Variants in FBN1 observed in about 807,000 individuals in gnomAD.
FBN1 encodes the protein fibrillin 1, also known as fibrillin-1.
Under a neutral mutation model 365.1 loss-of-function variants are expected in FBN1, and 29 were observed. That is an observed-to-expected ratio of 0.08 (90% CI 0.06 to 0.11). FBN1 has a LOEUF of 0.11. Ranked by LOEUF, FBN1 falls within the 10% of genes least tolerant of loss-of-function variation. FBN1 has a pLI of 1.00. For synonymous variants in FBN1, 1,210 were observed against 1,270.5 expected (o/e 0.95, Z 1.01); for missense variants, 2,476 against 3,703.2 (o/e 0.67, Z 8.60).
intron 2 of FBN1, among the ~76,000 whole-genome samples, chr15:48,630,110 T>C (rs1267555941): frequency 1.3e-5 from 2 of 152,226 alleles, no homozygotes; most frequent in African/African-American, 2.4e-5. Flanking sequence ...AATTAACATG[T>C]CGGTCCAGGG....
chr15:48,521,524 G>C (rs2043854741), intron 9 of FBN1, among the ~76,000 whole-genome samples: 1 of 152,316 alleles, frequency 6.6e-6, no homozygotes. Context: ...GTTTTTGGCA[G>C]AAAGTGTCTT....
rs781450756 is a variant in FBN1, at chr15:48,464,006, T to G, written c.4958A>C (p.Glu1653Ala). Residue 1653 changes from glutamate (E) to alanine (A), a missense_variant, in exon 41 of 66, where the codon GAG becomes GCG. Around this residue, in one of 5 missense-constraint regions of FBN1, gnomAD observed 1,780 missense variants for 2,840.8 expected, o/e 0.63. Coordinates refer to ENST00000316623, the MANE Select transcript of FBN1 (RefSeq NM_000138.5). ...CCCTGGACCACAGATTCCAGGAGTC[T>G]CACATTCATTCACATCTATAATCCA... ...TRVCDDVNECETPGICGPGTC... is the reference protein window; with the variant it reads ...TRVCDDVNECATPGICGPGTC... 1 of 1,613,968 alleles carries G rather than the reference T, an allele frequency of 6.2e-7. No homozygotes were observed. Among genetic ancestry groups the G allele is most frequent in the Non-Finnish European group, 8.5e-7 (1 of 1,179,864 alleles).
intron 45 of FBN1, among the ~76,000 whole-genome samples, chr15:48,449,518 T>G (rs1310841460): frequency 6.6e-6 from 1 of 152,182 alleles, no homozygotes; most frequent in Non-Finnish European, 1.5e-5. Context: ...GGAAGCCCTC[T>G]CATCTTGCTT....
chr15:48,570,498 A>G (rs992827753), intron 6 of FBN1, among the ~76,000 whole-genome samples: 1 of 151,576 alleles, frequency 6.6e-6, no homozygotes, highest in African/African-American at 2.4e-5. Flanking sequence ...GTGTGAAATG[A>G]GATACTCACG....
intron 54 of FBN1, among the ~76,000 whole-genome samples, chr15:48,433,891 T>C (rs1243703085): frequency 6.6e-6 from 1 of 152,238 alleles, no homozygotes; most frequent in African/African-American, 2.4e-5. Context: ...AGTGAATCCC[T>C]ACTTGAGAGT....
intron 43 of FBN1, among the ~76,000 whole-genome samples, chr15:48,459,191 G>A (rs1279370375): frequency 6.6e-6 from 1 of 152,214 alleles, no homozygotes; most frequent in Non-Finnish European, 1.5e-5. Context: ...TACATGCCTG[G>A]TTGGTCCGTG....
chr15:48,445,534 T>C, intron 47 of FBN1, 30 bp from the exon 48 acceptor site: 3 of 1,608,510 alleles, frequency 1.9e-6, no homozygotes, highest in Non-Finnish European at 2.6e-6. Flanking sequence ...AATCCTTTAA[T>C]ATATTCCAAA....
chr15:48,480,277 T>C (rs1007694514), intron 32 of FBN1, among the ~76,000 whole-genome samples: 3 of 152,146 alleles, frequency 2.0e-5, no homozygotes, highest in Admixed American at 2.0e-4. Flanking sequence ...CTCTATTAGT[T>C]AAAACATAAT....
chr15:48,634,823 GGAA>G (rs987970839), intron 2 of FBN1, among the ~76,000 whole-genome samples: 12 of 97,552 alleles, frequency 1.2e-4, no homozygotes, highest in African/African-American at 4.2e-4. Flanking sequence ...AACCGGAAAA[GGAA>G]GAAGAAGAAA....
chr15:48,596,139 G>A (rs571203481), intron 6 of FBN1, 144 bp downstream of exon 6: 1 of 745,572 alleles, frequency 1.3e-6, no homozygotes, highest in African/African-American at 1.7e-5. Context: ...TGTCATCCTA[G>A]GGACCTTCCC....
In FBN1 at chr15:48,445,184, G is replaced by GTA. The variant is rs979420871; in HGVS notation, c.5917+190_5917+191dup. Among the ~76,000 whole-genome samples the GTA allele has an allele frequency of 1.9e-3, 255 of 132,300 alleles. 1 individual carries two copies. The highest frequency in any genetic ancestry group is 6.1e-3 in the African/African-American group (219 of 35,966). The allele number at this position is 132,300 out of a possible 152,430, so 86.8% of individuals were successfully genotyped here. A position where few individuals can be genotyped will look rare whatever the true frequency, so the allele number is the denominator to read the frequency against. On this transcript the variant is annotated intron_variant, in intron 48 of 65. Coordinates refer to ENST00000316623, the MANE Select transcript of FBN1 (RefSeq NM_000138.5). The stretch of plus-strand genomic sequence containing the variant: ...TATATATATACACACATATATATAT[G>GTA]TATATATATATACATATATATATGT...
intron 4 of FBN1, among the ~76,000 whole-genome samples, chr15:48,601,061 A>G (rs2044562215): frequency 6.6e-6 from 1 of 152,216 alleles, no homozygotes; most frequent in Admixed American, 6.5e-5. Context: ...TTGCCTGAGA[A>G]AGAGCTGCTT....
intron 19 of FBN1, among the ~76,000 whole-genome samples, chr15:48,496,733 C>T (rs1053008029): frequency 4.6e-5 from 7 of 152,076 alleles, no homozygotes; most frequent in African/African-American, 1.7e-4. Context: ...TAATCTGTAG[C>T]ATTTATGATT....
intron 20 of FBN1, 104 bp downstream of exon 20, chr15:48,495,996 A>C (rs536320492): frequency 1.7e-5 from 24 of 1,445,224 alleles, no homozygotes; most frequent in Non-Finnish European, 2.0e-5. Context: ...CTAAACTGGC[A>C]TAACTGTCTA....
intron 44 of FBN1, among the ~76,000 whole-genome samples, chr15:48,455,636 G>T (rs1199899383): frequency 6.6e-6 from 1 of 152,138 alleles, no homozygotes; most frequent in Non-Finnish European, 1.5e-5. Flanking sequence ...CTTGGGCCAA[G>T]GTCTGAACTG....
Position 48,484,165 on chromosome 15 carries a change from G to A in FBN1, c.3713-222C>T, listed in dbSNP as rs115971707. 5.6e-3 allele frequency among the ~76,000 whole-genome samples: 856 copies of A among 152,118 alleles called. 8 individuals are homozygous for A. The highest frequency in any genetic ancestry group is 0.018 in the African/African-American group (764 of 41,520). ...TTATAATATACTGCTCAAGGGCAAC[G>A]TCCACACCTGCTTAAAAGTCTATTA... On this transcript the variant is annotated intron_variant, in intron 30 of 65. Coordinates refer to ENST00000316623, the MANE Select transcript of FBN1 (RefSeq NM_000138.5).
chr15:48,633,433 C>T (rs1212044090), intron 2 of FBN1, among the ~76,000 whole-genome samples: 1 of 152,114 alleles, frequency 6.6e-6, no homozygotes, highest in Admixed American at 6.5e-5. Flanking sequence ...TCTTTGACTG[C>T]CAATTAGAAG....
chr15:48,456,985 G>T (rs895571627), intron 43 of FBN1, among the ~76,000 whole-genome samples: 6 of 152,038 alleles, frequency 3.9e-5, no homozygotes, highest in African/African-American at 1.5e-4. Flanking sequence ...TATATGTTCT[G>T]GGTTTTGCTT....
chr15:48,485,012 T>A (rs1299239970), intron 30 of FBN1, among the ~76,000 whole-genome samples: 3 of 152,212 alleles, frequency 2.0e-5, no homozygotes, highest in Non-Finnish European at 4.4e-5. Flanking sequence ...TACATTTTTT[T>A]AACAAGTTCT....
Sources: allele counts gnomAD v4.1 joint callset (sites outside exome capture counted in the v4.1 genomes callset), GRCh38; gene constraint gnomAD v4.1.1; regional missense constraint gnomAD v4.1.1; transcripts MANE v1.5; gene names NCBI Gene and HGNC (gene_info 2026-07-23, HGNC 2026-07-21).